The following CENPP variants were observed in gnomAD, a reference collection of about 807,000 sequenced individuals.
CENPP encodes centromere protein P.
In CENPP, 24 loss-of-function variants were observed where a neutral mutation model predicts 35.6. That is an observed-to-expected ratio of 0.67 (90% CI 0.49 to 0.95). CENPP has a LOEUF of 0.95. CENPP is among the 40% of genes least tolerant of loss of function. The probability of loss-of-function intolerance (pLI) is 0.00; values close to 1 mark genes in which losing one functional copy is unlikely to be tolerated. For missense variants in CENPP, 332 were observed against 345.3 expected (o/e 0.96, Z 0.31); for synonymous variants, 120 against 125.5 (o/e 0.96, Z 0.29).
intron 4 of CENPP, among the ~76,000 whole-genome samples, chr9:92,356,560 A>G (rs1049369845): frequency 6.6e-6 from 1 of 152,240 alleles, no homozygotes; most frequent in African/African-American, 2.4e-5. Context: ...CAGCTTATGA[A>G]GATAACAGGA....
chr9:92,351,239 C>T (rs909436823), intron 4 of CENPP, among the ~76,000 whole-genome samples: 2 of 152,030 alleles, frequency 1.3e-5, no homozygotes, highest in African/African-American at 4.8e-5. Context: ...GCCTATAATC[C>T]CAGCACTTTG....
Position 92,611,150 on chromosome 9 carries a change from G to A in CENPP, c.565-164G>A, listed in dbSNP as rs545029516. 6.5e-5 allele frequency: 42 copies of A among 648,122 alleles called. 1 individual carries two copies. Among genetic ancestry groups the A allele is most frequent in the Admixed American group, 5.9e-4 (24 of 40,844 alleles). 40.1% of individuals were successfully genotyped at this position (648,122 alleles called of 1,614,324 possible). On this transcript the variant is annotated intron_variant, in intron 5 of 7. Coordinates refer to ENST00000375587, the MANE Select transcript of CENPP (RefSeq NM_001012267.3). The stretch of plus-strand genomic sequence containing the variant: ...TGGAGAGACCTACAGTGGGGCGGAC[G>A]TGTGTGACAGCAAGGGCAAGAGGGG...
Position 92,612,572 on chromosome 9 carries a change from G to A in CENPP, c.694G>A (p.Val232Ile), listed in dbSNP as rs1207194317. The change falls in exon 7 of 8, where the codon GTT becomes ATT. Residue 232 changes from valine to isoleucine, a missense_variant. Coordinates refer to ENST00000375587, the MANE Select transcript of CENPP (RefSeq NM_001012267.3). ...GATACAAATAGATGAAGATGGGAAG[G>A]TTTTTCCAAAGCTGGATCTTCTCAC... ...WRIQIDEDGK[V>I]FPKLDLLTKV... 2 of 1,614,150 alleles carry A rather than the reference G, an allele frequency of 1.2e-6. No homozygotes were observed. Among genetic ancestry groups the A allele is most frequent in the Admixed American group, 3.3e-5 (2 of 60,012 alleles).
chr9:92,571,527 A>T lies in CENPP; in HGVS notation c.565-39787A>T, dbSNP rs138372610. 2.5e-4 allele frequency among the ~76,000 whole-genome samples: 38 copies of T among 152,228 alleles called. 1 individual carries two copies. The highest frequency in any genetic ancestry group is 6.8e-3 in the Middle Eastern group (2 of 294). On this transcript the variant is annotated intron_variant, in intron 5 of 7. Transcript: ENST00000375587. ...ATGTGGTCAATTTTGGAGTAAGTGC[A>T]ATTTGGTGCTGAGAAGAATGTATAT...
At chr9:92,357,400 CTTTT>C in intron 4 of CENPP, among the ~76,000 whole-genome samples, 1 of 151,330 alleles carries the variant, frequency 6.6e-6, no homozygotes, top group African/African-American at 2.4e-5. Flanking sequence ...TTCTCCTGCA[CTTTT>C]TTTATTTTTT....
intron 5 of CENPP, among the ~76,000 whole-genome samples, chr9:92,475,722 T>G (rs1326322060): frequency 2.0e-5 from 3 of 152,194 alleles, no homozygotes; most frequent in Non-Finnish European, 4.4e-5. Context: ...AGTTGGTCAC[T>G]TTTTCCACAA....
At chr9:92,427,216 G>A (rs1475079277) in intron 5 of CENPP, among the ~76,000 whole-genome samples, 1 of 152,230 alleles carries the variant, frequency 6.6e-6, no homozygotes, top group East Asian at 1.9e-4. Flanking sequence ...AGGCTGGAGT[G>A]CAATGGCGCC....
chr9:92,609,057 C>A (rs1851160893), intron 5 of CENPP, among the ~76,000 whole-genome samples: 1 of 152,270 alleles, frequency 6.6e-6, no homozygotes, highest in African/African-American at 2.4e-5. Flanking sequence ...GGTCCTCATG[C>A]AGTTGTGATT....
At chr9:92,334,698 G>A (rs1419965133) in intron 2 of CENPP, among the ~76,000 whole-genome samples, 1 of 151,992 alleles carries the variant, frequency 6.6e-6, no homozygotes, top group African/African-American at 2.4e-5. Flanking sequence ...TGGCTAACAT[G>A]GTAAAACCCC....
intron 5 of CENPP, among the ~76,000 whole-genome samples, chr9:92,605,256 C>T (rs559563807): frequency 5.3e-5 from 8 of 152,256 alleles, no homozygotes; most frequent in African/African-American, 1.4e-4. Context: ...CCCAAAGTGC[C>T]GTAATTACAG....
At chr9:92,393,023 G>T in intron 5 of CENPP, 2 of 1,326,140 alleles carry the variant, frequency 1.5e-6, no homozygotes, top group East Asian at 2.4e-5. Flanking sequence ...ATAGAAACTT[G>T]TGTTTATATG....
intron 5 of CENPP, among the ~76,000 whole-genome samples, chr9:92,468,855 A>G (rs1055245278): frequency 5.3e-5 from 8 of 152,240 alleles, no homozygotes; most frequent in Non-Finnish European, 8.8e-5. Flanking sequence ...TAGGTCTAAG[A>G]AAGCTCCTGA....
At chr9:92,565,328 A>G (rs919067359) in intron 5 of CENPP, among the ~76,000 whole-genome samples, 6 of 148,234 alleles carry the variant, frequency 4.0e-5, no homozygotes, top group African/African-American at 1.5e-4. Context: ...AAAAAATCAT[A>G]ATGTTTTAAG....
intron 4 of CENPP, among the ~76,000 whole-genome samples, chr9:92,354,330 G>C (rs1841536569): frequency 6.6e-6 from 1 of 152,224 alleles, no homozygotes; most frequent in South Asian, 2.1e-4. Context: ...TCGGGGGTCA[G>C]TGTTGATCCC....
At chr9:92,565,953 G>A (rs1370366592) in intron 5 of CENPP, among the ~76,000 whole-genome samples, 2 of 152,116 alleles carry the variant, frequency 1.3e-5, no homozygotes, top group African/African-American at 4.8e-5. Context: ...CTGATTCTTA[G>A]CGTTACCATA....
At chr9:92,477,557 T>C (rs1323412855) in intron 5 of CENPP, among the ~76,000 whole-genome samples, 1 of 152,176 alleles carries the variant, frequency 6.6e-6, no homozygotes, top group Non-Finnish European at 1.5e-5. Flanking sequence ...AGCTATAGAA[T>C]TATAATGTCA....
intron 5 of CENPP, among the ~76,000 whole-genome samples, chr9:92,608,097 G>A (rs1851131587): frequency 1.3e-5 from 2 of 152,168 alleles, no homozygotes; most frequent in African/African-American, 4.8e-5. Flanking sequence ...CCTCCCAACA[G>A]CCACCCCTAT....
intron 5 of CENPP, among the ~76,000 whole-genome samples, chr9:92,409,782 T>G (rs903479230): frequency 6.6e-6 from 1 of 152,230 alleles, no homozygotes; most frequent in Non-Finnish European, 1.5e-5. Context: ...ATTTTCACAT[T>G]TTTATTTCCT....
chr9:92,538,655 TG>T (rs1429953773), intron 5 of CENPP, among the ~76,000 whole-genome samples: 2 of 152,338 alleles, frequency 1.3e-5, no homozygotes, highest in African/African-American at 4.8e-5. Context: ...TGAGTCCTTT[TG>T]CAGAAACTAT....
Sources: allele counts gnomAD v4.1 joint callset (sites outside exome capture counted in the v4.1 genomes callset), GRCh38; gene constraint gnomAD v4.1.1; transcripts MANE v1.5; gene names NCBI Gene and HGNC (gene_info 2026-07-23, HGNC 2026-07-21).